CCBE1: variants seen among roughly 807,000 people sequenced by gnomAD.
CCBE1 encodes collagen and calcium-binding EGF domain-containing protein 1.
Under a neutral mutation model 50.0 loss-of-function variants are expected in CCBE1, and 37 were observed. The ratio of observed to expected loss-of-function variants is 0.74; its 90% CI spans 0.57 to 0.97. The LOEUF is 0.97. CCBE1 is among the 50% of genes least tolerant of loss of function. CCBE1 has a pLI of 0.00. For missense variants in CCBE1, 538 were observed against 523.8 expected (o/e 1.03, Z -0.26); for synonymous variants, 234 against 203.7 (o/e 1.15, Z -1.27).
chr18:59,455,014 C>T, intron 5 of CCBE1, 63 bp from the exon 6 acceptor site: 1 of 1,340,810 alleles, frequency 7.5e-7, no homozygotes, highest in South Asian at 1.2e-5. Flanking sequence ...CCCAGAGAGA[C>T]AGCATCGGGA....
In CCBE1 at chr18:59,435,780, G is replaced by C. The variant is rs540840633; in HGVS notation, c.*128C>G. The C allele has an allele frequency of 2.4e-6, 2 of 851,042 alleles. No individual in the cohort carries two copies. Among genetic ancestry groups the C allele is most frequent in the South Asian group, 2.7e-5 (2 of 74,098 alleles). 52.7% of individuals were successfully genotyped at this position (851,042 alleles called of 1,614,324 possible). A position where few individuals can be genotyped will look rare whatever the true frequency, so the allele number is the denominator to read the frequency against. ...GTATTTGGAAGAAGAGGAGTGGAGA[G>C]ACGTCAGGAGAAGAGAAGAGAAAAA... On this transcript the variant is annotated 3_prime_UTR_variant, in exon 11 of 11. Transcript: ENST00000439986.
intron 4 of CCBE1, among the ~76,000 whole-genome samples, chr18:59,468,227 C>T (rs8087929): frequency 0.22 from 33,706 of 151,892 alleles, 3,898 homozygotes; most frequent in South Asian, 0.25. Flanking sequence ...CTATAAAATA[C>T]GAACAAAATT....
At chr18:59,612,011 C>A (rs1322325164) in intron 2 of CCBE1, among the ~76,000 whole-genome samples, 1 of 152,098 alleles carries the variant, frequency 6.6e-6, no homozygotes, top group Admixed American at 6.6e-5. Flanking sequence ...ATGACTATAC[C>A]CCTAAGCCAG....
intron 2 of CCBE1, chr18:59,568,454 T>C (rs942440301): frequency 5.3e-5 from 8 of 152,208 alleles, no homozygotes; most frequent in African/African-American, 1.9e-4. Context: ...AGCACCTTTT[T>C]CTATGTGGCC....
chr18:59,441,492 A>G (rs574789748), intron 7 of CCBE1, among the ~76,000 whole-genome samples: 4 of 152,106 alleles, frequency 2.6e-5, no homozygotes, highest in Admixed American at 6.6e-5. Context: ...TCAAAAAAAA[A>G]AAAAAAATCA....
chr18:59,632,069 G>A (rs1220089282), intron 2 of CCBE1, among the ~76,000 whole-genome samples: 1 of 152,150 alleles, frequency 6.6e-6, no homozygotes, highest in Non-Finnish European at 1.5e-5. Context: ...CAAAACAAGA[G>A]AACAAATAAC....
intron 4 of CCBE1, among the ~76,000 whole-genome samples, chr18:59,467,730 GC>G (rs1298686459): frequency 6.6e-6 from 1 of 152,146 alleles, no homozygotes; most frequent in Non-Finnish European, 1.5e-5. Flanking sequence ...GTGGCATGCA[GC>G]CCCAGACTGT....
At chr18:59,505,891 G>A (rs1315496600) in intron 2 of CCBE1, among the ~76,000 whole-genome samples, 1 of 152,190 alleles carries the variant, frequency 6.6e-6, no homozygotes. Context: ...TAAAATTAGG[G>A]TAATTTAAAG....
At chr18:59,612,330 G>GAAAAAAAAA (rs5825351) in intron 2 of CCBE1, among the ~76,000 whole-genome samples, 16 of 130,686 alleles carry the variant, frequency 1.2e-4, no homozygotes, top group African/African-American at 2.3e-4. Flanking sequence ...AGAAAAAAAA[G>GAAAAAAAAA]AAAAAAAAAA....
At chr18:59,524,265 A>G (rs1914724988) in intron 2 of CCBE1, among the ~76,000 whole-genome samples, 1 of 152,218 alleles carries the variant, frequency 6.6e-6, no homozygotes, top group Non-Finnish European at 1.5e-5. Flanking sequence ...GTTTGCAGTG[A>G]GCCAAGATTG....
intron 2 of CCBE1, among the ~76,000 whole-genome samples, chr18:59,680,229 A>AG (rs1159650637): frequency 3.3e-5 from 5 of 149,770 alleles, no homozygotes; most frequent in African/African-American, 1.2e-4. Context: ...TCAAAAAAGA[A>AG]AAAAAAAAAG....
intron 2 of CCBE1, among the ~76,000 whole-genome samples, chr18:59,496,922 C>T (rs758528906): frequency 2.7e-4 from 41 of 152,184 alleles, no homozygotes; most frequent in Non-Finnish European, 5.0e-4. Context: ...ACAGGCAGAC[C>T]TGAGTTTAGG....
chr18:59,649,361 G>A (rs2054097457), intron 2 of CCBE1, among the ~76,000 whole-genome samples: 1 of 152,240 alleles, frequency 6.6e-6, no homozygotes, highest in South Asian at 2.1e-4. Flanking sequence ...ACGTTTAACA[G>A]TTGATGCGGT....
chr18:59,611,023 C>T (rs1394188095), intron 2 of CCBE1, among the ~76,000 whole-genome samples: 1 of 152,242 alleles, frequency 6.6e-6, no homozygotes, highest in African/African-American at 2.4e-5. Context: ...TGTGGGACCT[C>T]ATGCTTCAGC....
chr18:59,696,551 A>G, intron 2 of CCBE1, 78 bp downstream of exon 2: 1 of 1,601,788 alleles, frequency 6.2e-7, no homozygotes, highest in Non-Finnish European at 8.5e-7. Flanking sequence ...GCGTCTCCAA[A>G]CCCCTCCTTT....
chr18:59,581,072 G>A (rs1275149494), intron 2 of CCBE1, among the ~76,000 whole-genome samples: 1 of 152,172 alleles, frequency 6.6e-6, no homozygotes, highest in African/African-American at 2.4e-5. Context: ...TGACACTGAG[G>A]GGAGGCTGAG....
In CCBE1 at chr18:59,622,829, G is replaced by GAAA. The variant is rs372756620; in HGVS notation, c.212+73797_212+73799dup. Among the ~76,000 whole-genome samples the GAAA allele has an allele frequency of 9.9e-3, 1,361 of 137,294 alleles. 36 individuals carry two copies. Among genetic ancestry groups the GAAA allele is most frequent in the East Asian group, 0.093 (440 of 4,734 alleles). The allele number at this position is 137,294 out of a possible 152,430, so 90.1% of individuals were successfully genotyped here. ...AAAAAAAAGAAAGAAAAAGAAAAAA[G>GAAA]AAAAAAAAAAAAGATGCCAGGGTCT... On this transcript the variant is annotated intron_variant, in intron 2 of 10. Transcript: ENST00000439986.
At chr18:59,681,078 T>C (rs760668200) in intron 2 of CCBE1, among the ~76,000 whole-genome samples, 25 of 151,238 alleles carry the variant, frequency 1.7e-4, no homozygotes, top group Admixed American at 1.3e-3. Context: ...GAAAGCTGTT[T>C]GGTATCTTTT....
chr18:59,661,454 C>T (rs986167421), intron 2 of CCBE1, among the ~76,000 whole-genome samples: 3 of 152,126 alleles, frequency 2.0e-5, no homozygotes, highest in African/African-American at 4.8e-5. Context: ...ATTCTTGGAA[C>T]TTTAACTTCC....
Sources: gnomAD v4.1 joint callset for allele counts (sites outside exome capture counted in the v4.1 genomes callset) on GRCh38, gnomAD v4.1.1 for gene constraint, MANE v1.5 for transcripts, NCBI Gene and HGNC (gene_info 2026-07-23, HGNC 2026-07-21) for gene names.